TRPC6: variants seen among roughly 807,000 people sequenced by gnomAD.
The protein encoded by TRPC6 is transient receptor potential cation channel subfamily C member 6.
In TRPC6, 55 loss-of-function variants were observed where a neutral mutation model predicts 90.7. That is an observed-to-expected ratio of 0.61 (90% CI 0.49 to 0.76). The LOEUF (loss-of-function observed/expected upper bound fraction) is 0.76. TRPC6 is among the 30% of genes least tolerant of loss of function. The pLI is 0.00. For missense variants in TRPC6, 989 were observed against 1,122.7 expected, an observed-to-expected ratio of 0.88 and a Z score of 1.70; for synonymous variants, 393 against 393.0, an observed-to-expected ratio of 1.00 and a Z score of 0.00.
In TRPC6 at chr11:101,452,724, G is replaced by T; in HGVS notation, c.*231C>A. The T allele has an allele frequency of 1.9e-6, 1 of 526,790 alleles. No homozygotes were observed. The highest frequency in any genetic ancestry group is 3.3e-5 in the East Asian group (1 of 30,182). 32.6% of individuals were successfully genotyped at this position (526,790 alleles called of 1,614,324 possible). ...TCCAAGAAAGCAGTTTATAAAACAA[G>T]CACCAAACAACTGGGCATAATTTTC... is the stretch of plus-strand genomic sequence containing the variant. On this transcript the variant is annotated 3_prime_UTR_variant, in exon 13 of 13. Coordinates refer to ENST00000344327, the MANE Select transcript of TRPC6 (RefSeq NM_004621.6).
chr11:101,453,602 C>A (rs184848937), intron 12 of TRPC6, 48 bp downstream of exon 12: 13 of 1,556,986 alleles, frequency 8.3e-6, no homozygotes, highest in East Asian at 2.2e-5. Flanking sequence ...GCTAGGCCCC[C>A]GTCCTGACTC....
intron 1 of TRPC6, among the ~76,000 whole-genome samples, chr11:101,521,640 A>C (rs1860663439): frequency 6.6e-6 from 1 of 152,214 alleles, no homozygotes; most frequent in Non-Finnish European, 1.5e-5. Flanking sequence ...GACAGTTTGC[A>C]CTGTGAACCT....
chr11:101,524,470 C>G (rs976461829), intron 1 of TRPC6, among the ~76,000 whole-genome samples: 2 of 152,158 alleles, frequency 1.3e-5, no homozygotes, highest in Non-Finnish European at 2.9e-5. Context: ...AGGATGGTCT[C>G]GATCTCATGA....
chr11:101,567,595 C>A (rs936321579), intron 1 of TRPC6, among the ~76,000 whole-genome samples: 3 of 152,200 alleles, frequency 2.0e-5, no homozygotes, highest in African/African-American at 7.2e-5. Context: ...TAGGGGCCAA[C>A]AGACACCTCA....
intron 4 of TRPC6, among the ~76,000 whole-genome samples, chr11:101,487,342 T>C (rs192779925): frequency 6.6e-6 from 1 of 152,240 alleles, no homozygotes; most frequent in East Asian, 1.9e-4. Flanking sequence ...ACTACCTACA[T>C]AGATATAACC....
rs1565206629 is a variant in TRPC6, at chr11:101,471,170, C to G, written c.2409+13G>C. On this transcript the variant is annotated intron_variant, in intron 9 of 12. Coordinates refer to ENST00000344327, the MANE Select transcript of TRPC6 (RefSeq NM_004621.6). ...ATTTAAGAATACAATGATAACTTAT[C>G]AAGCTAAGTTACCTTGTTCATCTCT... is the stretch of plus-strand genomic sequence containing the variant. The G allele has an allele frequency of 1.2e-6, 2 of 1,613,170 alleles. No homozygotes were observed. The highest frequency in any genetic ancestry group is 1.7e-6 in the Non-Finnish European group (2 of 1,179,472).
At chr11:101,506,445 A>C (rs575164918) in intron 1 of TRPC6, among the ~76,000 whole-genome samples, 217 of 152,304 alleles carry the variant, frequency 1.4e-3, no homozygotes, top group African/African-American at 5.0e-3. Context: ...AGGAATAGAA[A>C]GGAAGATAGT....
intron 2 of TRPC6, among the ~76,000 whole-genome samples, chr11:101,499,102 T>C (rs1243853250): frequency 6.6e-6 from 1 of 152,136 alleles, no homozygotes; most frequent in Non-Finnish European, 1.5e-5. Flanking sequence ...TGAACGCTTC[T>C]TGAGTGAGAG....
chr11:101,474,505 G>T lies in TRPC6; in HGVS notation c.1745-732C>A, dbSNP rs372682210. ...AAATTTGTATTTGCTTATTTGCTGA[G>T]AAGTGGAATTAGGAGAGGATAACAA... On this transcript the variant is annotated intron_variant, in intron 6 of 12. Coordinates refer to ENST00000344327, the MANE Select transcript of TRPC6 (RefSeq NM_004621.6). Among the ~76,000 whole-genome samples the T allele has an allele frequency of 1.2e-4, 18 of 152,262 alleles. No individual in the cohort carries two copies. In the South Asian group the frequency reaches 2.9e-3, roughly 25 times the overall value.
chr11:101,539,083 G>A (rs1861117920), intron 1 of TRPC6, among the ~76,000 whole-genome samples: 1 of 152,234 alleles, frequency 6.6e-6, no homozygotes, highest in Middle Eastern at 3.4e-3. Context: ...CTAAATTTGT[G>A]GCAGTGTTTT....
intron 1 of TRPC6, among the ~76,000 whole-genome samples, chr11:101,554,886 C>G (rs186786012): frequency 1.3e-5 from 2 of 152,224 alleles, no homozygotes; most frequent in Admixed American, 6.5e-5. Flanking sequence ...GCACATCACC[C>G]GCTTGACTCC....
intron 1 of TRPC6, among the ~76,000 whole-genome samples, chr11:101,552,350 C>G (rs985017438): frequency 1.3e-5 from 2 of 152,072 alleles, no homozygotes; most frequent in Admixed American, 1.3e-4. Flanking sequence ...AACATAATAA[C>G]AAAGCCACAT....
intron 1 of TRPC6, among the ~76,000 whole-genome samples, chr11:101,550,011 A>G (rs1412326787): frequency 1.3e-5 from 2 of 151,680 alleles, no homozygotes; most frequent in Non-Finnish European, 3.0e-5. Flanking sequence ...CTGATGACAC[A>G]GAAAGTGGAA....
chr11:101,515,243 T>A (rs1333461941), intron 1 of TRPC6, among the ~76,000 whole-genome samples: 1 of 152,260 alleles, frequency 6.6e-6, no homozygotes, highest in Non-Finnish European at 1.5e-5. Context: ...TAATGCCAGC[T>A]GTTACATCTG....
intron 5 of TRPC6, among the ~76,000 whole-genome samples, chr11:101,481,160 C>A (rs1293662877): frequency 1.3e-5 from 2 of 152,102 alleles, no homozygotes; most frequent in Non-Finnish European, 2.9e-5. Flanking sequence ...CAGCATGAAG[C>A]CAAGAAGACA....
intron 1 of TRPC6, among the ~76,000 whole-genome samples, chr11:101,557,847 T>G (rs1186515519): frequency 6.6e-6 from 1 of 152,084 alleles, no homozygotes; most frequent in Non-Finnish European, 1.5e-5. Flanking sequence ...CTATAAAATG[T>G]TGATAAAACA....
chr11:101,531,962 G>A (rs1860921446), intron 1 of TRPC6, among the ~76,000 whole-genome samples: 1 of 152,122 alleles, frequency 6.6e-6, no homozygotes, highest in African/African-American at 2.4e-5. Context: ...GGAAGGTGTC[G>A]GCTCAGCAGT....
At chr11:101,538,958 A>G (rs1358427406) in intron 1 of TRPC6, among the ~76,000 whole-genome samples, 8 of 152,234 alleles carry the variant, frequency 5.3e-5, no homozygotes, top group African/African-American at 1.9e-4. Flanking sequence ...AAGAGCCCAG[A>G]CAGCTGATAC....
At chr11:101,544,901 G>T (rs1000670607) in intron 1 of TRPC6, among the ~76,000 whole-genome samples, 3 of 151,034 alleles carry the variant, frequency 2.0e-5, no homozygotes, top group African/African-American at 7.3e-5. Flanking sequence ...TTGTTCAGTG[G>T]TCTTCAAATT....
Sources: gnomAD v4.1 joint callset for allele counts (sites outside exome capture counted in the v4.1 genomes callset) on GRCh38, gnomAD v4.1.1 for gene constraint, MANE v1.5 for transcripts, NCBI Gene and HGNC (gene_info 2026-07-23, HGNC 2026-07-21) for gene names.